Variants in TSNARE1 observed in about 807,000 individuals in gnomAD.
TSNARE1 encodes t-SNARE domain containing 1.
Under a neutral mutation model 62.0 loss-of-function variants are expected in TSNARE1, and 49 were observed. The ratio of observed to expected loss-of-function variants is 0.79; its 90% CI spans 0.63 to 1.00. TSNARE1 has a LOEUF of 1.00. Ranked by LOEUF, TSNARE1 falls within the 50% of genes least tolerant of loss-of-function variation. The probability of loss-of-function intolerance (pLI) is 0.00; values close to 1 mark genes in which losing one functional copy is unlikely to be tolerated. For synonymous variants in TSNARE1, 328 were observed against 294.4 expected (o/e 1.11, Z -1.17); for missense variants, 755 against 700.1 (o/e 1.08, Z -0.88).
intron 13 of TSNARE1, among the ~76,000 whole-genome samples, chr8:142,226,203 G>A (rs1388345561): frequency 1.3e-5 from 2 of 152,200 alleles, no homozygotes; most frequent in Non-Finnish European, 2.9e-5. Context: ...CATCACCATC[G>A]CCACAGTAAC....
chr8:142,317,294 C>T (rs1377400764), intron 7 of TSNARE1, among the ~76,000 whole-genome samples: 1 of 132,396 alleles, frequency 7.6e-6, no homozygotes, highest in Middle Eastern at 3.5e-3. Flanking sequence ...ACGCGTGAAG[C>T]GGGTATGGCC....
At chr8:142,226,437 C>A (rs753687458) in intron 13 of TSNARE1, among the ~76,000 whole-genome samples, 2 of 152,200 alleles carry the variant, frequency 1.3e-5, no homozygotes, top group East Asian at 1.9e-4. Flanking sequence ...TCAGCCCACG[C>A]TGTCCTGCTT....
chr8:142,406,229 C>T (rs1220638597), upstream of TSNARE1: 1 of 152,326 alleles, frequency 6.6e-6, no homozygotes. Context: ...GACTCATCAC[C>T]ATGGGGAGAA....
chr8:142,383,409 C>G, intron 1 of TSNARE1, among the ~76,000 whole-genome samples: 1 of 150,186 alleles, frequency 6.7e-6, no homozygotes, highest in East Asian at 1.9e-4. Flanking sequence ...CTGTGGGAGG[C>G]CCCAAGCACA....
At chr8:142,238,191 C>G (rs1183388667) in intron 12 of TSNARE1, among the ~76,000 whole-genome samples, 1 of 152,098 alleles carries the variant, frequency 6.6e-6, no homozygotes, top group African/African-American at 2.4e-5. Flanking sequence ...TCCAGGACCC[C>G]GGCCTACATT....
chr8:142,270,974 C>T (rs1819476158), intron 12 of TSNARE1: 1 of 985,434 alleles, frequency 1.0e-6, no homozygotes, highest in Non-Finnish European at 1.2e-6. Context: ...CTGGAGTTGT[C>T]CCGGTGCCCT....
intron 1 of TSNARE1, among the ~76,000 whole-genome samples, chr8:142,394,425 C>T (rs978993497): frequency 6.6e-6 from 1 of 152,162 alleles, no homozygotes; most frequent in African/African-American, 2.4e-5. Flanking sequence ...CAGAAAACAC[C>T]AAGTGAAACA....
At chr8:142,275,255 C>T (rs1820266161) in intron 11 of TSNARE1, 2 of 985,332 alleles carry the variant, frequency 2.0e-6, no homozygotes, top group African/African-American at 3.5e-5. Flanking sequence ...GGGCAAAGCC[C>T]CTGCCTTAAC....
chr8:142,274,096 AGCCTGCCT>A, intron 12 of TSNARE1: 2 of 985,200 alleles, frequency 2.0e-6, no homozygotes, highest in Non-Finnish European at 2.4e-6. Context: ...CTTAATGTCC[AGCCTGCCT>A]GGCCCCTGGG....
chr8:142,401,351 CA>C (rs1171154830), intron 1 of TSNARE1, among the ~76,000 whole-genome samples: 4 of 152,102 alleles, frequency 2.6e-5, no homozygotes, highest in African/African-American at 9.7e-5. Flanking sequence ...AGTGCCAGGG[CA>C]TTCCAAGCAG....
chr8:142,256,564 C>CACT (rs1818592290), intron 12 of TSNARE1, among the ~76,000 whole-genome samples: 1 of 119,680 alleles, frequency 8.4e-6, no homozygotes, highest in African/African-American at 3.1e-5. Flanking sequence ...TCACCACCAT[C>CACT]ACCATCACCA....
intron 1 of TSNARE1, among the ~76,000 whole-genome samples, chr8:142,365,625 CACACACACAG>C (rs1015493961): frequency 1.0e-4 from 15 of 149,262 alleles, no homozygotes; most frequent in African/African-American, 3.8e-4. Flanking sequence ...CACACACACA[CACACACACAG>C]AGAGAGAGAG....
Position 142,360,804 on chromosome 8 carries a change from A to T in TSNARE1, c.-39-6041T>A, listed in dbSNP as rs1006440559. Among the ~76,000 whole-genome samples, 3 of 152,202 alleles carry T rather than the reference A, an allele frequency of 2.0e-5. No homozygotes were observed. In the East Asian group the frequency reaches 5.8e-4, roughly 29 times the overall value. The stretch of plus-strand genomic sequence containing the variant: ...CCCAGGAGGAGGGAGGCCTGGCAGC[A>T]GGCCACACCCACTGCCCACCGGGCT... On this transcript the variant is annotated intron_variant, in intron 1 of 13. Transcript: ENST00000524325.
intron 10 of TSNARE1, among the ~76,000 whole-genome samples, chr8:142,290,453 G>A (rs186483190): frequency 2.6e-5 from 4 of 152,322 alleles, no homozygotes; most frequent in African/African-American, 7.2e-5. Context: ...TTCTTTCACT[G>A]GCACAGCGGA....
chr8:142,404,851 CCTCA>C (rs1838548800), upstream of TSNARE1: 2 of 152,450 alleles, frequency 1.3e-5, no homozygotes, highest in Admixed American at 1.3e-4. Context: ...CTGGCCGCCA[CCTCA>C]CTCAGCCTCC....
chr8:142,373,535 G>A (rs188759600), intron 1 of TSNARE1, among the ~76,000 whole-genome samples: 17 of 152,146 alleles, frequency 1.1e-4, no homozygotes, highest in East Asian at 3.9e-4. Context: ...AAGAAAGCCC[G>A]GCAGGCCCAC....
chr8:142,294,343 C>T (rs1323534850), intron 10 of TSNARE1, among the ~76,000 whole-genome samples: 2 of 152,218 alleles, frequency 1.3e-5, no homozygotes, highest in African/African-American at 2.4e-5. Context: ...GAGGGCTGTC[C>T]TTTGTCCTTC....
intron 6 of TSNARE1, among the ~76,000 whole-genome samples, 191 bp from the exon 7 acceptor site, chr8:142,318,825 G>A (rs1485334933): frequency 1.3e-5 from 2 of 151,912 alleles, no homozygotes; most frequent in African/African-American, 4.8e-5. Flanking sequence ...AACAAGAGTA[G>A]GGAAAGGGTA....
intron 6 of TSNARE1, among the ~76,000 whole-genome samples, chr8:142,323,908 T>G (rs574176918): frequency 6.6e-6 from 1 of 152,082 alleles, no homozygotes. Flanking sequence ...GTGGATCCAG[T>G]GCAGGGAGAT....
Sources: gnomAD v4.1 joint callset for allele counts (sites outside exome capture counted in the v4.1 genomes callset) on GRCh38, gnomAD v4.1.1 for gene constraint, MANE v1.5 for transcripts, NCBI Gene and HGNC (gene_info 2026-07-23, HGNC 2026-07-21) for gene names.